ULK4: variants seen among roughly 807,000 people sequenced by gnomAD.
ULK4 encodes the protein inactive serine/threonine-protein kinase ULK4.
In ULK4, 133 loss-of-function variants were observed where a neutral mutation model predicts 160.6. The ratio of observed to expected loss-of-function variants is 0.83; its 90% confidence interval spans 0.72 to 0.96. The LOEUF is 0.96. Among genes scored for constraint, ULK4 ranks in the 40% least tolerant of loss-of-function variants. The probability of loss-of-function intolerance (pLI) is 0.00; values close to 1 mark genes in which losing one functional copy is unlikely to be tolerated. For missense variants in ULK4, 1,580 were observed against 1,499.5 expected, an observed-to-expected ratio of 1.05 and a Z score of -0.89; for synonymous variants, 534 against 539.8, an observed-to-expected ratio of 0.99 and a Z score of 0.15.
chr3:41,831,225 C>A (rs1299409659), intron 18 of ULK4, among the ~76,000 whole-genome samples: 2 of 151,730 alleles, frequency 1.3e-5, no homozygotes, highest in Non-Finnish European at 2.9e-5. Flanking sequence ...GAGGTTTCAC[C>A]ATGTTGACCA....
At chr3:41,349,900 A>T (rs1575456900) in intron 35 of ULK4, among the ~76,000 whole-genome samples, 1 of 152,324 alleles carries the variant, frequency 6.6e-6, no homozygotes, top group East Asian at 1.9e-4. Flanking sequence ...ACCACTATGA[A>T]GGCCGCACAC....
intron 34 of ULK4, among the ~76,000 whole-genome samples, chr3:41,401,011 T>G (rs2082168346): frequency 6.6e-6 from 1 of 152,182 alleles, no homozygotes; most frequent in African/African-American, 2.4e-5. Flanking sequence ...TTCTTGATAT[T>G]TGAAAGTTCT....
At chr3:41,305,925 G>T (rs1463114183) in intron 35 of ULK4, among the ~76,000 whole-genome samples, 1 of 143,968 alleles carries the variant, frequency 6.9e-6, no homozygotes, top group Non-Finnish European at 1.5e-5. Flanking sequence ...CCGTCTGGGA[G>T]GTGAGGAGCA....
rs76370742 is a variant in ULK4 at position 41,276,611 on chromosome 3, T to C, written c.3679-27037A>G. On this transcript the variant is annotated intron_variant, in intron 35 of 36. Coordinates refer to ENST00000301831, the MANE Select transcript of ULK4 (RefSeq NM_017886.4). ...TGACAGGAATGTAACTACATAAAAA[T>C]TGCATTCTGCAAGGAAACAGCTAAT... Among the ~76,000 whole-genome samples the C allele has an allele frequency of 5.7e-4, 87 of 152,264 alleles. No homozygotes were observed. In the East Asian group the frequency reaches 7.1e-3, roughly 13 times the overall value.
chr3:41,597,116 C>T (rs1300400104), intron 31 of ULK4, among the ~76,000 whole-genome samples: 1 of 152,184 alleles, frequency 6.6e-6, no homozygotes, highest in African/African-American at 2.4e-5. Context: ...CCTGTGAGGA[C>T]CCCTGTTTTC....
chr3:41,631,146 C>T (rs1303361440), intron 30 of ULK4, among the ~76,000 whole-genome samples: 3 of 152,142 alleles, frequency 2.0e-5, no homozygotes, highest in African/African-American at 7.2e-5. Context: ...TTTGTCCTTG[C>T]CTGCAATTCT....
intron 27 of ULK4, among the ~76,000 whole-genome samples, chr3:41,696,960 G>A (rs1052643441): frequency 1.4e-4 from 22 of 152,158 alleles, no homozygotes; most frequent in African/African-American, 5.3e-4. Flanking sequence ...AGTTGGAAAA[G>A]GCAAGGAAGG....
chr3:41,788,996 G>T lies in ULK4; in HGVS notation c.2193+665C>A, dbSNP rs555857934. ...TAAAATGTAGATTCTGATTCAGAAG[G>T]TCTGCATGGGGCCTAAAAGTCTGCA... On this transcript the variant is annotated intron_variant, in intron 21 of 36. Transcript: ENST00000301831. Among the ~76,000 whole-genome samples the T allele has an allele frequency of 1.6e-4, 24 of 152,242 alleles. No homozygotes were observed. In the South Asian group the frequency reaches 5.0e-3, roughly 32 times the overall value.
rs1553628510 is a variant in ULK4, at chr3:41,657,818, T to TAAAAAAAAAAAAACA, written c.3071+5788_3071+5789insTGTTTTTTTTTTTTT. On this transcript the variant is annotated intron_variant, in intron 30 of 36. Transcript: ENST00000301831. ...GTGACAAAGCGAGACTCCATCTCAT[T>TAAAAAAAAAAAAACA]AAAAAAAAAAAAAAAAACACACACC... Among the ~76,000 whole-genome samples the TAAAAAAAAAAAAACA allele has an allele frequency of 2.0e-5, 2 of 99,760 alleles. 1 individual carries two copies. Among genetic ancestry groups the TAAAAAAAAAAAAACA allele is most frequent in the Non-Finnish European group, 3.5e-5 (2 of 56,580 alleles). The allele number at this position is 99,760 out of a possible 152,430, so 65.4% of individuals were successfully genotyped here.
intron 2 of ULK4, among the ~76,000 whole-genome samples, chr3:41,953,061 G>A (rs1279571347): frequency 6.6e-6 from 1 of 151,818 alleles, no homozygotes; most frequent in East Asian, 1.9e-4. Flanking sequence ...AAGAATTACA[G>A]TTTAATGGGT....
intron 35 of ULK4, among the ~76,000 whole-genome samples, chr3:41,392,845 G>A (rs998685757): frequency 4.6e-5 from 7 of 152,058 alleles, no homozygotes; most frequent in African/African-American, 1.2e-4. Flanking sequence ...AATAAATCTC[G>A]ATTGCCTCTG....
chr3:41,294,938 T>C (rs75810666), intron 35 of ULK4, among the ~76,000 whole-genome samples: 1,808 of 152,258 alleles, frequency 0.012, 24 homozygotes, highest in African/African-American at 0.034. Flanking sequence ...TTTGTGAATG[T>C]TGACAAACTG....
At chr3:41,399,585 T>A (rs931959872) in intron 34 of ULK4, among the ~76,000 whole-genome samples, 1 of 152,116 alleles carries the variant, frequency 6.6e-6, no homozygotes, top group Non-Finnish European at 1.5e-5. Context: ...TTGTTTTTGT[T>A]TTTTGGGAGA....
chr3:41,918,272 TTC>T (rs1327353822), intron 7 of ULK4, among the ~76,000 whole-genome samples, 183 bp downstream of exon 7: 1 of 152,210 alleles, frequency 6.6e-6, no homozygotes, highest in African/African-American at 2.4e-5. Context: ...GTACTTTGTT[TTC>T]TGTTTCAGCA....
intron 17 of ULK4, among the ~76,000 whole-genome samples, chr3:41,860,237 A>T (rs754261791): frequency 6.6e-6 from 1 of 152,088 alleles, no homozygotes; most frequent in African/African-American, 2.4e-5. Context: ...TAAATATTAG[A>T]TCCTTTTTGT....
intron 34 of ULK4, among the ~76,000 whole-genome samples, chr3:41,410,180 T>A (rs1243087091): frequency 6.6e-6 from 1 of 152,074 alleles, no homozygotes; most frequent in Non-Finnish European, 1.5e-5. Context: ...CTCCCAGGTA[T>A]ATACTGAAAA....
intron 31 of ULK4, among the ~76,000 whole-genome samples, chr3:41,572,067 A>C (rs1189178598): frequency 6.6e-6 from 1 of 152,242 alleles, no homozygotes; most frequent in East Asian, 1.9e-4. Flanking sequence ...AAAACATGGA[A>C]GGGGCTATCA....
rs537188167 is a variant in ULK4, at chr3:41,355,559, G to GA, written c.3678+42519dup. ...GAGCTGACTGTCAAGACTGTTGTTT[G>GA]AAAAAATATTTTAGAAGGTCTCAAA... On this transcript the variant is annotated intron_variant, in intron 35 of 36. Transcript: ENST00000301831. Among the ~76,000 whole-genome samples, 54 of 152,226 alleles carry GA rather than the reference G, an allele frequency of 3.5e-4. No homozygotes were observed. The South Asian group carries it at 0.01, about 29-fold the overall frequency.
intron 35 of ULK4, among the ~76,000 whole-genome samples, chr3:41,251,308 G>A (rs2078739130): frequency 6.6e-6 from 1 of 152,214 alleles, no homozygotes; most frequent in Non-Finnish European, 1.5e-5. Context: ...ATATAAGGAT[G>A]AGTTAATTCA....
Sources: allele counts gnomAD v4.1 joint callset (sites outside exome capture counted in the v4.1 genomes callset), GRCh38; gene constraint gnomAD v4.1.1; transcripts MANE v1.5; gene names NCBI Gene and HGNC (gene_info 2026-07-23, HGNC 2026-07-21).